Variants in TTC39B observed in about 807,000 individuals in gnomAD.
The protein encoded by TTC39B is tetratricopeptide repeat protein 39B.
Under a neutral mutation model 96.6 loss-of-function variants are expected in TTC39B, and 92 were observed. The observed-to-expected ratio is 0.95, with a 90% CI of 0.80 to 1.13. TTC39B has a LOEUF of 1.13. TTC39B is among the 50% of genes most tolerant of loss of function. TTC39B has a pLI of 0.00. For missense variants in TTC39B, 955 were observed against 809.3 expected, an observed-to-expected ratio of 1.18 and a Z score of -2.18; for synonymous variants, 367 against 299.4, an observed-to-expected ratio of 1.23 and a Z score of -2.33.
rs780490057 is a variant in TTC39B at position 15,191,274 on chromosome 9, C to T, written c.931-19G>A. On this transcript the variant is annotated intron_variant, in intron 9 of 19. Coordinates refer to ENST00000512701, the Ensembl canonical transcript of TTC39B. ...ACAGCATCTGTAAGAAAAAAATATA[C>T]AGTGTACTTATGTGTTAGTGTTTCT... The T allele has an allele frequency of 6.4e-7, 1 of 1,569,332 alleles. No homozygotes were observed.
chr9:15,264,092 T>C (rs1162304018), intron 2 of TTC39B, among the ~76,000 whole-genome samples: 2 of 152,120 alleles, frequency 1.3e-5, no homozygotes, highest in South Asian at 2.1e-4. Context: ...CATTAGAAAC[T>C]GAGGCAGTGT....
intron 2 of TTC39B, among the ~76,000 whole-genome samples, chr9:15,251,690 C>CATACAT (rs1554624704): frequency 5.0e-5 from 4 of 79,410 alleles, no homozygotes; most frequent in East Asian, 1.0e-3. Flanking sequence ...CACACACACA[C>CATACAT]ATACATATAC....
intron 2 of TTC39B, among the ~76,000 whole-genome samples, chr9:15,240,501 T>C (rs1029061566): frequency 1.4e-5 from 2 of 145,918 alleles, no homozygotes; most frequent in Non-Finnish European, 2.9e-5. Flanking sequence ...TTTTCAATGT[T>C]TTTTTTTCAA....
intron 1 of TTC39B, among the ~76,000 whole-genome samples, chr9:15,270,034 T>C (rs562198898): frequency 6.6e-6 from 1 of 151,936 alleles, no homozygotes; most frequent in African/African-American, 2.4e-5. Flanking sequence ...CCAGGCATGG[T>C]GGTGCATTTC....
chr9:15,178,567 C>T (rs902269405), intron 17 of TTC39B, among the ~76,000 whole-genome samples: 1 of 152,116 alleles, frequency 6.6e-6, no homozygotes, highest in Non-Finnish European at 1.5e-5. Context: ...AGAGCAAGAC[C>T]CCATCTGATA....
At chr9:15,229,654 T>C (rs1821316019) in intron 2 of TTC39B, among the ~76,000 whole-genome samples, 1 of 152,238 alleles carries the variant, frequency 6.6e-6, no homozygotes, top group Non-Finnish European at 1.5e-5. Flanking sequence ...TACTTTGACA[T>C]ACTGGATTAT....
rs138535620 is a variant in TTC39B, at chr9:15,175,100, G to A, written c.1877C>T (p.Pro626Leu). The change falls in exon 19 of 20, where the codon CCG becomes CTG. Residue 626 changes from proline (P) to leucine (L), a missense_variant. Physicochemically the swap from Pro to Leu is moderately conservative, Grantham distance 98. Coordinates refer to ENST00000512701, the Ensembl canonical transcript of TTC39B. Reference sequence around the variant, plus strand: ...AGATGCCAATTCAAATAGAGTGAACGGCACTAGGTAGTGGTCATACTTCAG... The same window carrying A: ...AGATGCCAATTCAAATAGAGTGAACAGCACTAGGTAGTGGTCATACTTCAG... The A allele has an allele frequency of 2.0e-4, 326 of 1,613,486 alleles. 1 individual carries two copies. Among genetic ancestry groups the A allele is most frequent in the South Asian group, 1.4e-4 (13 of 91,050 alleles).
chr9:15,178,726 AT>A (rs1370691159), intron 17 of TTC39B, among the ~76,000 whole-genome samples: 3 of 152,242 alleles, frequency 2.0e-5, no homozygotes, highest in African/African-American at 7.2e-5. Context: ...TGAGCTCTAA[AT>A]AAAGAGCTTT....
At chr9:15,175,029 C>G (rs367719564) in exon 19 of TTC39B, 16 of 1,613,164 alleles carry the variant, frequency 9.9e-6, no homozygotes, top group Non-Finnish European at 1.3e-5. Flanking sequence ...CTTGCAGTTT[C>G]TAGGAACTTT....
intron 6 of TTC39B, among the ~76,000 whole-genome samples, 162 bp from the exon 7 acceptor site, chr9:15,204,052 A>C: frequency 6.6e-6 from 1 of 152,182 alleles, no homozygotes; most frequent in Non-Finnish European, 1.5e-5. Flanking sequence ...CCCAGTTCTC[A>C]CTTTGTCAGG....
chr9:15,174,203 G>T (rs978150220), intron 19 of TTC39B, among the ~76,000 whole-genome samples: 2 of 152,080 alleles, frequency 1.3e-5, no homozygotes, highest in African/African-American at 4.8e-5. Context: ...TCTCCCTCTG[G>T]CTAACAGAGC....
chr9:15,208,473 G>A (rs929640179), intron 6 of TTC39B, among the ~76,000 whole-genome samples: 1 of 152,156 alleles, frequency 6.6e-6, no homozygotes, highest in Non-Finnish European at 1.5e-5. Context: ...CATAGAGAGA[G>A]TAACAGAAAG....
chr9:15,199,819 G>T, intron 8 of TTC39B, 42 bp downstream of exon 8: 2 of 997,684 alleles, frequency 2.0e-6, no homozygotes, highest in Non-Finnish European at 2.9e-6. Context: ...GGAGTACACA[G>T]CACAAAATTA....
chr9:15,279,887 CTTTTCTTTT>C (rs1158548146), intron 1 of TTC39B, among the ~76,000 whole-genome samples: 2 of 136,710 alleles, frequency 1.5e-5, no homozygotes, highest in Admixed American at 1.5e-4. Flanking sequence ...TACTTTTTTT[CTTTTCTTTT>C]TTTTTTTTTT....
chr9:15,294,109 T>C (rs1563795066), intron 1 of TTC39B, among the ~76,000 whole-genome samples: 1 of 152,184 alleles, frequency 6.6e-6, no homozygotes, highest in African/African-American at 2.4e-5. Context: ...GGTATTTGCA[T>C]GTTACTTTAA....
intron 2 of TTC39B, among the ~76,000 whole-genome samples, chr9:15,259,479 C>T (rs1317702391): frequency 6.6e-6 from 1 of 152,208 alleles, no homozygotes; most frequent in South Asian, 2.1e-4. Context: ...TAATTTAAAA[C>T]ATGTTCATAC....
intron 3 of TTC39B, among the ~76,000 whole-genome samples, chr9:15,220,520 C>T (rs919651192): frequency 1.3e-5 from 2 of 151,954 alleles, no homozygotes; most frequent in African/African-American, 4.8e-5. Context: ...TTAACATTGC[C>T]GTTATGAGCA....
At chr9:15,174,806 T>G (rs906746272) in intron 19 of TTC39B, among the ~76,000 whole-genome samples, 1 of 152,170 alleles carries the variant, frequency 6.6e-6, no homozygotes, top group African/African-American at 2.4e-5. Flanking sequence ...ATCATATCTG[T>G]AAACAGTCAC....
chr9:15,234,597 G>C (rs1176161845), intron 2 of TTC39B, among the ~76,000 whole-genome samples: 2 of 152,114 alleles, frequency 1.3e-5, no homozygotes, highest in African/African-American at 4.8e-5. Context: ...AGAGGGGAAA[G>C]GTGGGGAAAA....
Sources: allele counts gnomAD v4.1 joint callset (sites outside exome capture counted in the v4.1 genomes callset), GRCh38; gene constraint gnomAD v4.1.1; transcripts MANE v1.5; gene names NCBI Gene and HGNC (gene_info 2026-07-23, HGNC 2026-07-21).